CACNA2D1: variants seen among roughly 807,000 people sequenced by gnomAD.
CACNA2D1 encodes the protein voltage-dependent calcium channel subunit alpha-2/delta-1.
In CACNA2D1, 53 loss-of-function variants were observed where a neutral mutation model predicts 171.5. The ratio of observed to expected loss-of-function variants is 0.31; its 90% confidence interval spans 0.25 to 0.39. The LOEUF is 0.39. Among genes scored for constraint, CACNA2D1 ranks in the 10% least tolerant of loss-of-function variants. CACNA2D1 has a pLI of 1.00. For missense variants in CACNA2D1, 903 were observed against 1,299.8 expected (o/e 0.69, Z 4.69); for synonymous variants, 442 against 443.1 (o/e 1.00, Z 0.03).
intron 10 of CACNA2D1, among the ~76,000 whole-genome samples, chr7:82,041,865 ATAT>A (rs1353324139): frequency 2.6e-5 from 4 of 152,198 alleles, no homozygotes; most frequent in Non-Finnish European, 4.4e-5. Context: ...GTTACAGGAA[ATAT>A]TATTAACTGA....
Position 81,965,629 on chromosome 7 carries a change from G to T in CACNA2D1, c.2539C>A (p.Leu847Ile). Residue 847 changes from leucine to isoleucine, a missense_variant, in exon 32 of 39, where the codon CTT becomes ATT. Leu to Ile is a conservative substitution (Grantham distance 5, BLOSUM62 2). Around this residue, in one of 5 missense-constraint regions of CACNA2D1, gnomAD observed 623 missense variants for 925.5 expected, o/e 0.67. Transcript: ENST00000356860. ...TAATCATCATGATTTGCCATCAGAA[G>T]AAACCCACCATCATCCAGAATCACA... Reference protein sequence around the residue: ...DCVILDDGGFLLMANHDDYTN... With the variant: ...DCVILDDGGFILMANHDDYTN... The T allele has an allele frequency of 6.3e-7, 1 of 1,596,840 alleles. No homozygotes were observed. Among genetic ancestry groups the T allele is most frequent in the Non-Finnish European group, 8.6e-7 (1 of 1,164,984 alleles).
intron 20 of CACNA2D1, among the ~76,000 whole-genome samples, chr7:81,993,088 T>C (rs1797708587): frequency 6.6e-6 from 1 of 152,196 alleles, no homozygotes; most frequent in Admixed American, 6.5e-5. Context: ...AGGGTTAGCA[T>C]ATGTGCATTA....
intron 3 of CACNA2D1, among the ~76,000 whole-genome samples, chr7:82,302,321 A>T (rs916442676): frequency 6.6e-6 from 1 of 152,196 alleles, no homozygotes; most frequent in African/African-American, 2.4e-5. Flanking sequence ...AGTACATCCA[A>T]ACATTAGACC....
intron 5 of CACNA2D1, among the ~76,000 whole-genome samples, chr7:82,127,265 C>G (rs1392812302): frequency 6.6e-6 from 1 of 152,200 alleles, no homozygotes; most frequent in Admixed American, 6.5e-5. Flanking sequence ...ATTAAGGAAG[C>G]AAATGTCTAT....
At chr7:82,057,322 G>T (rs1806035599) in intron 10 of CACNA2D1, among the ~76,000 whole-genome samples, 1 of 151,932 alleles carries the variant, frequency 6.6e-6, no homozygotes, top group South Asian at 2.1e-4. Context: ...AAACCAAGGG[G>T]GTAAAGTAGG....
At chr7:82,207,964 T>G (rs571418004) in intron 3 of CACNA2D1, among the ~76,000 whole-genome samples, 2 of 152,314 alleles carry the variant, frequency 1.3e-5, no homozygotes, top group African/African-American at 4.8e-5. Context: ...TTGCTTGCTC[T>G]CCTAAGAGGC....
intron 32 of CACNA2D1, among the ~76,000 whole-genome samples, chr7:81,964,805 A>G (rs974823115): frequency 6.6e-6 from 1 of 151,998 alleles, no homozygotes; most frequent in East Asian, 1.9e-4. Flanking sequence ...AAGTCTTCTT[A>G]CCATACCGCA....
At chr7:82,118,027 T>C (rs1789283924) in intron 5 of CACNA2D1, among the ~76,000 whole-genome samples, 1 of 152,174 alleles carries the variant, frequency 6.6e-6, no homozygotes, top group Non-Finnish European at 1.5e-5. Flanking sequence ...GGTATATCAA[T>C]TTTTGTTTTA....
chr7:82,133,507 G>A (rs1029076326), intron 5 of CACNA2D1, among the ~76,000 whole-genome samples: 1 of 152,126 alleles, frequency 6.6e-6, no homozygotes, highest in South Asian at 2.1e-4. Flanking sequence ...GGTCCTTTTT[G>A]TAAGTGATAT....
chr7:82,254,053 CAT>C (rs1225604946), intron 3 of CACNA2D1, among the ~76,000 whole-genome samples: 1 of 151,976 alleles, frequency 6.6e-6, no homozygotes, highest in African/African-American at 2.4e-5. Flanking sequence ...AAATAGTAAA[CAT>C]ATTTTTGCTT....
chr7:82,004,204 A>T (rs1198661544), intron 18 of CACNA2D1, among the ~76,000 whole-genome samples: 1 of 152,180 alleles, frequency 6.6e-6, no homozygotes, highest in Non-Finnish European at 1.5e-5. Context: ...ATGATTAGCC[A>T]AACATAAATT....
At chr7:82,361,574 T>C (rs1252824475) in intron 1 of CACNA2D1, among the ~76,000 whole-genome samples, 3 of 152,130 alleles carry the variant, frequency 2.0e-5, no homozygotes, top group Non-Finnish European at 4.4e-5. Flanking sequence ...CGATCTTTAA[T>C]GTATTATATG....
chr7:82,114,199 T>A (rs190900999), intron 6 of CACNA2D1, among the ~76,000 whole-genome samples: 2,361 of 152,158 alleles, frequency 0.016, 34 homozygotes, highest in Middle Eastern at 0.031. Flanking sequence ...TTTAAAAAAA[T>A]TTTTTAAAAA....
intron 3 of CACNA2D1, among the ~76,000 whole-genome samples, chr7:82,309,356 A>C (rs1814134859): frequency 6.6e-6 from 1 of 152,098 alleles, no homozygotes. Context: ...CAGTGAGCCA[A>C]GATCATGCCA....
chr7:82,136,244 C>T (rs1791585470), intron 5 of CACNA2D1, among the ~76,000 whole-genome samples: 1 of 152,044 alleles, frequency 6.6e-6, no homozygotes, highest in Non-Finnish European at 1.5e-5. Context: ...AATGGTTCTC[C>T]CTGGTGTGCA....
chr7:82,088,194 T>C (rs1382791024), intron 6 of CACNA2D1, among the ~76,000 whole-genome samples: 1 of 152,218 alleles, frequency 6.6e-6, no homozygotes, highest in East Asian at 1.9e-4. Context: ...TTTTATATTA[T>C]AAAGAGTTTA....
intron 3 of CACNA2D1, among the ~76,000 whole-genome samples, chr7:82,274,870 G>GAATGAATA (rs1809115989): frequency 6.6e-6 from 1 of 151,942 alleles, no homozygotes; most frequent in African/African-American, 2.4e-5. Context: ...ATGAATGAAT[G>GAATGAATA]AATGAATGAA....
At chr7:82,128,318 A>C (rs1790576059) in intron 5 of CACNA2D1, among the ~76,000 whole-genome samples, 1 of 152,188 alleles carries the variant, frequency 6.6e-6, no homozygotes, top group Admixed American at 6.5e-5. Context: ...AGGAGACATT[A>C]ATTCTATACT....
At chr7:82,283,496 C>T (rs978986109) in intron 3 of CACNA2D1, among the ~76,000 whole-genome samples, 7 of 152,150 alleles carry the variant, frequency 4.6e-5, no homozygotes, top group South Asian at 4.1e-4. Context: ...TGATAGAGTT[C>T]CTAACAAGCA....
Sources: allele counts gnomAD v4.1 joint callset (sites outside exome capture counted in the v4.1 genomes callset), GRCh38; gene constraint gnomAD v4.1.1; regional missense constraint gnomAD v4.1.1; transcripts MANE v1.5; gene names NCBI Gene and HGNC (gene_info 2026-07-23, HGNC 2026-07-21).